Variants in AGTPBP1 observed in about 807,000 individuals in gnomAD.
AGTPBP1 encodes ATP/GTP binding carboxypeptidase 1.
AGTPBP1 carries 70 observed loss-of-function variants against 143.9 expected under a neutral mutation model. The observed-to-expected ratio is 0.49, with a 90% CI of 0.40 to 0.59. The LOEUF (loss-of-function observed/expected upper bound fraction) is 0.59, where lower values mean the gene tolerates loss of function less well. AGTPBP1 is among the 20% of genes least tolerant of loss of function. AGTPBP1 has a pLI of 0.00. For missense variants in AGTPBP1, 1,229 were observed against 1,464.5 expected (o/e 0.84, Z 2.62); for synonymous variants, 463 against 500.2 (o/e 0.93, Z 0.99).
At chr9:85,666,774 T>C (rs1340588272) in intron 8 of AGTPBP1, among the ~76,000 whole-genome samples, 1 of 151,966 alleles carries the variant, frequency 6.6e-6, no homozygotes, top group African/African-American at 2.4e-5. Flanking sequence ...ATCATGGCCA[T>C]TATATAAAAA....
chr9:85,689,925 A>AAAAAAAAAAAAAAAAAT (rs58719163), intron 3 of AGTPBP1, among the ~76,000 whole-genome samples: 1 of 72,498 alleles, frequency 1.4e-5, no homozygotes. Flanking sequence ...AAAAAAAAAA[A>AAAAAAAAAAAAAAAAAT]ATATATATAT....
chr9:85,586,239 CAACA>C (rs1260131972), intron 22 of AGTPBP1, among the ~76,000 whole-genome samples: 1 of 149,152 alleles, frequency 6.7e-6, no homozygotes, highest in Non-Finnish European at 1.5e-5. Context: ...CAAAGAATAA[CAACA>C]AACAAGAAAA....
At chr9:85,672,225 T>A (rs901188661) in intron 7 of AGTPBP1, among the ~76,000 whole-genome samples, 19 of 152,046 alleles carry the variant, frequency 1.2e-4, no homozygotes, top group Admixed American at 7.2e-4. Context: ...CCCACCACCA[T>A]GCCCAGCTAA....
At chr9:85,669,209 ATC>A (rs1337200528) in intron 8 of AGTPBP1, among the ~76,000 whole-genome samples, 1 of 151,832 alleles carries the variant, frequency 6.6e-6, no homozygotes, top group Non-Finnish European at 1.5e-5. Flanking sequence ...TCTATAGATA[ATC>A]TTTTTTCCTT....
At chr9:85,787,238 C>A in the AGTPBP1 span, among the ~76,000 whole-genome samples, 2 of 152,066 alleles carry the variant, frequency 1.3e-5, no homozygotes, top group African/African-American at 2.4e-5. Flanking sequence ...GTTTTCATGT[C>A]TTTCCTGCTC....
intron 6 of AGTPBP1, among the ~76,000 whole-genome samples, chr9:85,675,083 A>G (rs1731362698): frequency 6.6e-6 from 1 of 152,058 alleles, no homozygotes; most frequent in African/African-American, 2.4e-5. Context: ...TTTTTAGTAG[A>G]GATGGGGTTT....
chr9:85,803,104 AATCT>A, the AGTPBP1 span, among the ~76,000 whole-genome samples: 1 of 152,176 alleles, frequency 6.6e-6, no homozygotes, highest in Non-Finnish European at 1.5e-5. Context: ...CCCACTGTCC[AATCT>A]ATCTACTTAT....
In AGTPBP1 at chr9:85,575,330, C is replaced by G. The variant is rs1410158232; in HGVS notation, c.3488G>C (p.Ser1163Thr). ...TTTTTCCTACCTAGTTACTTTGCAG[C>G]TTGATTCAATTAAATCATTTTCAAA... Reference protein sequence around the residue: ...LDFENDLIESSCKVTSPTTYV... With the variant: ...LDFENDLIESTCKVTSPTTYV... Residue 1163 changes from serine to threonine, a missense_variant, in exon 25 of 26, where the codon AGC becomes ACC. By Grantham distance (58) the Ser-to-Thr change is moderately conservative (BLOSUM62 1). Around this residue, in one of 2 missense-constraint regions of AGTPBP1, gnomAD observed 486 missense variants for 652.3 expected, o/e 0.75. Coordinates refer to ENST00000357081, the MANE Select transcript of AGTPBP1 (RefSeq NM_001330701.2). The G allele has an allele frequency of 6.3e-6, 10 of 1,594,656 alleles. No individual in the cohort carries two copies. Among genetic ancestry groups the G allele is most frequent in the Non-Finnish European group, 8.5e-6 (10 of 1,174,230 alleles).
intron 25 of AGTPBP1, among the ~76,000 whole-genome samples, chr9:85,570,871 G>A (rs1218446406): frequency 6.6e-6 from 1 of 152,226 alleles, no homozygotes; most frequent in East Asian, 1.9e-4. Flanking sequence ...ATCCGAGAGA[G>A]AGCAGTGAGA....
At chr9:85,625,398 CAG>C (rs1831207620) in intron 14 of AGTPBP1, among the ~76,000 whole-genome samples, 2 of 152,184 alleles carry the variant, frequency 1.3e-5, no homozygotes, top group South Asian at 4.1e-4. Flanking sequence ...AATGATATCT[CAG>C]TACATCTTAA....
chr9:85,612,836 G>A (rs533678690), intron 17 of AGTPBP1, among the ~76,000 whole-genome samples: 1 of 152,126 alleles, frequency 6.6e-6, no homozygotes, highest in South Asian at 2.1e-4. Flanking sequence ...CACACATTTG[G>A]GCACAGAAGT....
At chr9:85,723,501 A>G (rs1010709187) in intron 1 of AGTPBP1, among the ~76,000 whole-genome samples, 1 of 152,214 alleles carries the variant, frequency 6.6e-6, no homozygotes, top group African/African-American at 2.4e-5. Flanking sequence ...CTGCTGAGCC[A>G]GGCACAGGAG....
chr9:85,781,508 T>A, the AGTPBP1 span: 1 of 915,306 alleles, frequency 1.1e-6, no homozygotes, highest in Non-Finnish European at 1.5e-6. Flanking sequence ...ACAAAAATCG[T>A]TGTCTAAGGT....
intron 14 of AGTPBP1, among the ~76,000 whole-genome samples, chr9:85,625,144 G>T (rs538477901): frequency 1.3e-5 from 2 of 152,310 alleles, no homozygotes; most frequent in African/African-American, 4.8e-5. Flanking sequence ...TGAGATTTGT[G>T]AAATAAACAT....
chr9:85,669,007 GTATACATAC>G (rs1164350477), intron 8 of AGTPBP1, among the ~76,000 whole-genome samples: 1 of 61,886 alleles, frequency 1.6e-5, no homozygotes, highest in Non-Finnish European at 3.2e-5. Flanking sequence ...GTGTGTGTGT[GTATACATAC>G]ACACACACAC....
At position 85,615,453 on chromosome 9, in the gene AGTPBP1, T is replaced by C. The variant is rs183661944; in HGVS notation, c.2335+3530A>G. Among the ~76,000 whole-genome samples the C allele has an allele frequency of 1.6e-3, 251 of 152,248 alleles. 1 individual carries two copies. The highest frequency in any genetic ancestry group is 4.9e-3 in the African/African-American group (203 of 41,588). ...CTGTTATCATTCATTTATTGTACCTTACTCAATAGAATATTACACAGACAT... is the reference window on the plus strand; with the variant it reads ...CTGTTATCATTCATTTATTGTACCTCACTCAATAGAATATTACACAGACAT... On this transcript the variant is annotated intron_variant, in intron 17 of 25. Coordinates refer to ENST00000357081, the MANE Select transcript of AGTPBP1 (RefSeq NM_001330701.2).
intron 14 of AGTPBP1, among the ~76,000 whole-genome samples, chr9:85,630,583 G>A (rs141047991): frequency 0.017 from 2,548 of 152,088 alleles, 25 homozygotes; most frequent in Middle Eastern, 0.054. Context: ...GGGTTCAAGC[G>A]ATGCTCCTCC....
In AGTPBP1 at chr9:85,658,503, G is replaced by A. The variant is rs148070124; in HGVS notation, c.701-860C>T. Among the ~76,000 whole-genome samples, 501 of 152,116 alleles carry A rather than the reference G, an allele frequency of 3.3e-3. 1 individual carries two copies. Among genetic ancestry groups the A allele is most frequent in the Non-Finnish European group, 5.7e-3 (389 of 67,950 alleles). On this transcript the variant is annotated intron_variant, in intron 9 of 25. Transcript: ENST00000357081. ...TATCAAGTCACCCAATGCTGCTCTG[G>A]TGGGTTAATTATAAGGGGTGCAAGA...
At chr9:85,668,621 T>A (rs964707237) in intron 8 of AGTPBP1, among the ~76,000 whole-genome samples, 4 of 152,054 alleles carry the variant, frequency 2.6e-5, no homozygotes, top group African/African-American at 9.7e-5. Flanking sequence ...GATCTGCTTA[T>A]AGAAATACAC....
Sources: gnomAD v4.1 joint callset for allele counts (sites outside exome capture counted in the v4.1 genomes callset) on GRCh38, gnomAD v4.1.1 for gene constraint, gnomAD v4.1.1 regional missense constraint, MANE v1.5 for transcripts, NCBI Gene and HGNC (gene_info 2026-07-23, HGNC 2026-07-21) for gene names.